MACROD2: variants seen among roughly 807,000 people sequenced by gnomAD.
The protein encoded by MACROD2 is mono-ADP ribosylhydrolase 2.
In MACROD2, 36 loss-of-function variants were observed where a neutral mutation model predicts 70.4. The ratio of observed to expected loss-of-function variants is 0.51; its 90% CI spans 0.39 to 0.68. The LOEUF (loss-of-function observed/expected upper bound fraction) is 0.68, where lower values mean the gene tolerates loss of function less well. MACROD2 is among the 30% of genes least tolerant of loss of function. MACROD2 has a pLI of 0.00. For missense variants in MACROD2, 496 were observed against 538.4 expected (o/e 0.92, Z 0.78); for synonymous variants, 172 against 178.8 (o/e 0.96, Z 0.30).
At chr20:14,026,211 T>G (rs1315976996) in intron 2 of MACROD2, among the ~76,000 whole-genome samples, 3 of 152,230 alleles carry the variant, frequency 2.0e-5, no homozygotes, top group Non-Finnish European at 4.4e-5. Flanking sequence ...TAAATCTTCC[T>G]CCATCCTTTT....
chr20:14,521,977 C>T (rs1042919862), intron 4 of MACROD2, among the ~76,000 whole-genome samples: 1 of 152,118 alleles, frequency 6.6e-6, no homozygotes, highest in African/African-American at 2.4e-5. Flanking sequence ...CCAATGCAGA[C>T]AGGTTAGGTT....
At chr20:14,073,277 A>C (rs983932484) in intron 2 of MACROD2, among the ~76,000 whole-genome samples, 4 of 152,100 alleles carry the variant, frequency 2.6e-5, no homozygotes, top group African/African-American at 9.7e-5. Flanking sequence ...TGGAGGTTGC[A>C]GTGAGCCAAG....
At chr20:15,734,434 G>A (rs1210518020) in intron 8 of MACROD2, among the ~76,000 whole-genome samples, 1 of 152,138 alleles carries the variant, frequency 6.6e-6, no homozygotes, top group Admixed American at 6.5e-5. Context: ...ACAAGACATT[G>A]GTACAAGCCA....
chr20:14,249,140 T>G (rs1441503651), intron 3 of MACROD2, among the ~76,000 whole-genome samples: 4 of 149,878 alleles, frequency 2.7e-5, no homozygotes, highest in African/African-American at 7.4e-5. Flanking sequence ...TTTTTTTTTT[T>G]TTTTTTTTTT....
chr20:14,442,426 T>G (rs1178988215), intron 3 of MACROD2, among the ~76,000 whole-genome samples: 3 of 152,080 alleles, frequency 2.0e-5, no homozygotes, highest in African/African-American at 7.3e-5. Flanking sequence ...ATGAAATTAT[T>G]ATTTTCTTTG....
chr20:15,764,751 T>G (rs2051494788), intron 8 of MACROD2, among the ~76,000 whole-genome samples: 1 of 152,166 alleles, frequency 6.6e-6, no homozygotes. Flanking sequence ...GCATCCAGGG[T>G]GAGTTTTTAA....
chr20:14,392,385 A>G (rs1023061542), intron 3 of MACROD2, among the ~76,000 whole-genome samples: 10 of 152,246 alleles, frequency 6.6e-5, no homozygotes, highest in African/African-American at 2.4e-4. Flanking sequence ...ACTTTTCTGA[A>G]ACTTTATGTG....
intron 4 of MACROD2, among the ~76,000 whole-genome samples, chr20:14,607,274 T>A (rs1403351704): frequency 6.6e-6 from 1 of 152,160 alleles, no homozygotes; most frequent in East Asian, 1.9e-4. Flanking sequence ...TGAAGTAGCA[T>A]GAATTCACAA....
intron 8 of MACROD2, among the ~76,000 whole-genome samples, chr20:15,704,750 A>T (rs1167373567): frequency 6.6e-6 from 1 of 152,246 alleles, no homozygotes. Flanking sequence ...TTGAAAGTAG[A>T]TGGAAAATAA....
At chr20:15,100,189 G>C (rs2075861593) in intron 5 of MACROD2, among the ~76,000 whole-genome samples, 1 of 151,978 alleles carries the variant, frequency 6.6e-6, no homozygotes, top group African/African-American at 2.4e-5. Context: ...CTCCTGCCTT[G>C]GCCTCCCAAA....
chr20:15,767,208 G>A (rs535340203), intron 8 of MACROD2, among the ~76,000 whole-genome samples: 6 of 152,176 alleles, frequency 3.9e-5, no homozygotes, highest in South Asian at 2.1e-4. Context: ...TTTCTCTTTC[G>A]GTTTTCCTCA....
intron 3 of MACROD2, among the ~76,000 whole-genome samples, chr20:14,153,855 A>C (rs770657114): frequency 2.0e-5 from 3 of 152,248 alleles, no homozygotes; most frequent in Non-Finnish European, 4.4e-5. Flanking sequence ...AAATGTTTTA[A>C]TAATATATTT....
At chr20:15,692,903 G>A (rs1450786554) in intron 8 of MACROD2, among the ~76,000 whole-genome samples, 2 of 152,136 alleles carry the variant, frequency 1.3e-5, no homozygotes, top group Admixed American at 1.3e-4. Context: ...TGGATTATGA[G>A]AGCAGTTTCC....
chr20:14,863,715 A>G (rs1287641406), intron 5 of MACROD2, among the ~76,000 whole-genome samples: 1 of 152,150 alleles, frequency 6.6e-6, no homozygotes, highest in Non-Finnish European at 1.5e-5. Context: ...TAAGAGCTTT[A>G]CATCCATTTT....
intron 8 of MACROD2, among the ~76,000 whole-genome samples, chr20:15,783,604 TTAC>T (rs1308886709): frequency 3.9e-5 from 6 of 152,160 alleles, no homozygotes; most frequent in African/African-American, 1.4e-4. Flanking sequence ...AGGATACAGC[TTAC>T]TATCCAAAAT....
At chr20:15,581,436 T>C (rs1477757092) in intron 8 of MACROD2, among the ~76,000 whole-genome samples, 1 of 152,222 alleles carries the variant, frequency 6.6e-6, no homozygotes, top group African/African-American at 2.4e-5. Context: ...TGACCTCCAG[T>C]TATTTCAGTA....
At chr20:14,319,674 T>G (rs1401521102) in intron 3 of MACROD2, among the ~76,000 whole-genome samples, 1 of 152,194 alleles carries the variant, frequency 6.6e-6, no homozygotes, top group Non-Finnish European at 1.5e-5. Context: ...CTCTTCTATG[T>G]CTTTACCCTG....
chr20:15,781,347 T>C (rs769378355), intron 8 of MACROD2, among the ~76,000 whole-genome samples: 104 of 152,330 alleles, frequency 6.8e-4, no homozygotes, highest in Non-Finnish European at 1.3e-3. Context: ...AGTGGCCTTC[T>C]ATGTGACCCA....
At position 15,451,974 on chromosome 20, in the gene MACROD2, C is replaced by G. The variant is rs1318042008; in HGVS notation, c.571+20539C>G. Among the ~76,000 whole-genome samples, 12 of 152,208 alleles carry G rather than the reference C, an allele frequency of 7.9e-5. No individual in the cohort carries two copies. In the South Asian group the frequency reaches 1.0e-3, roughly 13 times the overall value. ...GACTGGTGAGGACACCGTGGCCCAACAGAATCCTGAAGTGATGAATCTCAG... is the reference window on the plus strand; with the variant it reads ...GACTGGTGAGGACACCGTGGCCCAAGAGAATCCTGAAGTGATGAATCTCAG... On this transcript the variant is annotated intron_variant, in intron 7 of 17. Transcript: ENST00000684519.
Sources: allele counts gnomAD v4.1 joint callset (sites outside exome capture counted in the v4.1 genomes callset), GRCh38; gene constraint gnomAD v4.1.1; transcripts MANE v1.5; gene names NCBI Gene and HGNC (gene_info 2026-07-23, HGNC 2026-07-21).